APC: variants seen among roughly 807,000 people sequenced by gnomAD.
APC encodes the protein APC regulator of Wnt signaling pathway.
APC carries 72 observed loss-of-function variants against 247.0 expected under a neutral mutation model. The observed-to-expected ratio is 0.29, with a 90% CI of 0.24 to 0.35. The LOEUF (loss-of-function observed/expected upper bound fraction) is 0.35, where lower values mean the gene tolerates loss of function less well. Ranked by LOEUF, APC falls within the 10% of genes least tolerant of loss-of-function variation. APC has a pLI of 1.00. For missense variants in APC, 3,400 were observed against 3,360.7 expected (o/e 1.01, Z -0.29); for synonymous variants, 1,254 against 1,162.5 (o/e 1.08, Z -1.60).
chr5:112,734,368 A>G (rs1037423023), upstream of APC, among the ~76,000 whole-genome samples: 1 of 152,202 alleles, frequency 6.6e-6, no homozygotes, highest in African/African-American at 2.4e-5. Flanking sequence ...TTAGGCACAC[A>G]TCTAACTTAT....
At chr5:112,816,571 A>C (rs1762532395) in intron 9 of APC, among the ~76,000 whole-genome samples, 1 of 152,118 alleles carries the variant, frequency 6.6e-6, no homozygotes, top group Admixed American at 6.6e-5. Context: ...AGGTGGGTGG[A>C]TCACTTGAGG....
In APC at chr5:112,839,462, A is replaced by G. The variant is rs752977559; in HGVS notation, c.3868A>G (p.Asn1290Asp). The G allele has an allele frequency of 1.2e-6, 2 of 1,614,198 alleles. No individual in the cohort carries two copies. The highest frequency in any genetic ancestry group is 3.3e-5 in the Admixed American group (2 of 60,026). ...LSSAEDEIGC[N>D]QTTQEADSAN... is the part of the protein sequence containing the mutation. ...ATCAGCTGAAGATGAAATAGGATGT[A>G]ATCAGACGACACAGGAAGCAGATTC... The change falls in exon 16 of 16, where the codon AAT becomes GAT. Residue 1290 changes from asparagine to aspartate, a missense_variant. Physicochemically the swap from Asn to Asp is conservative, Grantham distance 23. Coordinates refer to ENST00000257430, the MANE Select transcript of APC (RefSeq NM_000038.6). The surrounding 1 kb of genome is among the most constrained non-coding windows in gnomAD (Gnocchi z 5.0).
intron 11 of APC, among the ~76,000 whole-genome samples, chr5:112,823,143 A>C (rs1468809060): frequency 1.3e-5 from 2 of 152,244 alleles, no homozygotes; most frequent in Non-Finnish European, 2.9e-5. Flanking sequence ...GAAGGGGATA[A>C]AAAATAATGA....
At chr5:112,725,327 A>AG (rs1472561336) in intron 1 of APC, among the ~76,000 whole-genome samples, 1 of 152,224 alleles carries the variant, frequency 6.6e-6, no homozygotes, top group Non-Finnish European at 1.5e-5. Flanking sequence ...TATTCCAGGC[A>AG]GTTGTTAAAG....
intron 4 of APC, among the ~76,000 whole-genome samples, chr5:112,769,421 G>C (rs1756775240): frequency 6.6e-6 from 1 of 152,064 alleles, no homozygotes; most frequent in African/African-American, 2.4e-5. Flanking sequence ...AATGAGTTCT[G>C]ATTTTTCACA....
rs1580682919 is a variant in APC at position 112,843,057 on chromosome 5, T to G, written c.7463T>G (p.Leu2488Arg). The G allele has an allele frequency of 1.2e-6, 2 of 1,613,948 alleles. No individual in the cohort carries two copies. The highest frequency in any genetic ancestry group is 1.3e-5 in the African/African-American group (1 of 75,034). Reference sequence around the variant, plus strand: ...CAAACTCCAGTTTTAAGTCCTTCCCTTCCTGATATGTCTCTATCCACACAT... The same window carrying G: ...CAAACTCCAGTTTTAAGTCCTTCCCGTCCTGATATGTCTCTATCCACACAT... ...QAQTPVLSPS[L>R]PDMSLSTHSS... The change falls in exon 16 of 16, where the codon CTT becomes CGT. Residue 2488 changes from leucine (L) to arginine (R), a missense_variant. Physicochemically the swap from Leu to Arg is moderately radical, Grantham distance 102. Around this residue, in one of 9 missense-constraint regions of APC, gnomAD observed 1,788 missense variants for 1,649.5 expected, o/e 1.08. Transcript: ENST00000257430. This position sits in a 1 kb window ranked among gnomAD's most constrained non-coding sequence, Gnocchi z 4.8.
chr5:112,789,632 A>G (rs897944107), intron 6 of APC, among the ~76,000 whole-genome samples: 2 of 152,220 alleles, frequency 1.3e-5, no homozygotes, highest in African/African-American at 4.8e-5. Flanking sequence ...AGCTAATTAT[A>G]TAGAAACTGA....
intron 1 of APC, among the ~76,000 whole-genome samples, chr5:112,749,698 G>T (rs1030216506): frequency 6.6e-6 from 1 of 151,644 alleles, no homozygotes; most frequent in Non-Finnish European, 1.5e-5. Context: ...ATGTTGGCCA[G>T]ATGGTCTCGA....
intron 11 of APC, 113 bp from the exon 12 acceptor site, chr5:112,826,995 C>T: frequency 2.0e-6 from 2 of 1,006,440 alleles, no homozygotes; most frequent in South Asian, 1.4e-5. Flanking sequence ...CAAATTTAAA[C>T]CATATATTCT....
At chr5:112,808,710 T>C (rs1761677635) in intron 8 of APC, among the ~76,000 whole-genome samples, 2 of 152,128 alleles carry the variant, frequency 1.3e-5, no homozygotes, top group Non-Finnish European at 2.9e-5. Flanking sequence ...ATGCCTGGCT[T>C]CCAAATGTTT....
At chr5:112,778,550 ATT>A (rs34304705) in intron 5 of APC, 2 of 143,152 alleles carry the variant, frequency 1.4e-5, no homozygotes, top group African/African-American at 2.6e-5. Context: ...CACGTAACTT[ATT>A]TTTTTTTTTT....
chr5:112,723,216 G>T (rs911005775), intron 1 of APC, among the ~76,000 whole-genome samples: 1 of 152,126 alleles, frequency 6.6e-6, no homozygotes, highest in Non-Finnish European at 1.5e-5. Flanking sequence ...GGTGGCTCAC[G>T]CCTGTAATCC....
intron 1 of APC, among the ~76,000 whole-genome samples, chr5:112,720,168 A>C (rs1751405024): frequency 6.6e-6 from 1 of 152,218 alleles, no homozygotes; most frequent in Non-Finnish European, 1.5e-5. Flanking sequence ...TAGATACTTG[A>C]TTTGATATTA....
In APC at chr5:112,793,205, G is replaced by C. The variant is rs538695969; in HGVS notation, c.729+676G>C. On this transcript the variant is annotated intron_variant, in intron 7 of 15. Coordinates refer to ENST00000257430, the MANE Select transcript of APC (RefSeq NM_000038.6). Reference sequence around the variant, plus strand: ...CCTTTCCAATCCCAGCAAAAGATGAGAGCTTTCTCCTCTGAAGAGGTGGAG... The same window carrying C: ...CCTTTCCAATCCCAGCAAAAGATGACAGCTTTCTCCTCTGAAGAGGTGGAG... Among the ~76,000 whole-genome samples, 13 of 152,282 alleles carry C rather than the reference G, an allele frequency of 8.5e-5. No individual in the cohort carries two copies. The South Asian group carries it at 2.1e-3, about 24-fold the overall frequency.
intron 1 of APC, chr5:112,738,606 G>A (rs1752611921): frequency 4.6e-6 from 3 of 648,412 alleles, no homozygotes; most frequent in Middle Eastern, 7.7e-4. Context: ...AAATGCAGTG[G>A]TAGTGGCTTT....
chr5:112,769,121 G>C (rs1263438687), intron 4 of APC, among the ~76,000 whole-genome samples: 1 of 123,248 alleles, frequency 8.1e-6, no homozygotes, highest in Non-Finnish European at 1.6e-5. Flanking sequence ...GCGCAATCTT[G>C]GCTCCTGCAA....
chr5:112,733,028 G>A (rs1009871582), upstream of APC, among the ~76,000 whole-genome samples: 2 of 152,192 alleles, frequency 1.3e-5, no homozygotes, highest in Admixed American at 6.5e-5. Flanking sequence ...CTTTTCCAGC[G>A]TTATCAAGCT....
intron 4 of APC, among the ~76,000 whole-genome samples, chr5:112,768,043 CTTT>C (rs761163996): frequency 3.8e-5 from 5 of 133,208 alleles, no homozygotes; most frequent in Admixed American, 7.7e-5. Context: ...AAGACTCTTT[CTTT>C]TTTTTTTTTT....
rs188915917 is a variant in APC at position 112,749,676 on chromosome 5, C to T, written c.-18-5197C>T. On this transcript the variant is annotated intron_variant, in intron 1 of 15. Coordinates refer to ENST00000257430, the MANE Select transcript of APC (RefSeq NM_000038.6). ...CTAATTTTTGTATTTTTAGTAGAGG[C>T]GGGGTTTCACCATGTTGGCCAGATG... Among the ~76,000 whole-genome samples, 672 of 151,298 alleles carry T rather than the reference C, an allele frequency of 4.4e-3. 7 individuals carry two copies. Among genetic ancestry groups the T allele is most frequent in the African/African-American group, 0.016 (648 of 41,302 alleles).
Sources: allele counts gnomAD v4.1 joint callset (sites outside exome capture counted in the v4.1 genomes callset), GRCh38; gene constraint gnomAD v4.1.1; regional missense constraint gnomAD v4.1.1; non-coding constraint Gnocchi (gnomAD v3.1); transcripts MANE v1.5; gene names NCBI Gene and HGNC (gene_info 2026-07-23, HGNC 2026-07-21).